The following KBTBD6 variants were observed in gnomAD, a reference collection of about 807,000 sequenced individuals.
KBTBD6 encodes kelch repeat and BTB domain containing 6.
KBTBD6 carries 6 observed loss-of-function variants against 34.4 expected under a neutral mutation model. The observed-to-expected ratio is 0.17, with a 90% confidence interval of 0.10 to 0.34. KBTBD6 has a LOEUF of 0.34. Ranked by LOEUF, KBTBD6 falls within the 10% of genes least tolerant of loss-of-function variation. KBTBD6 has a pLI of 1.00. For synonymous variants in KBTBD6, 288 were observed against 327.2 expected (o/e 0.88, Z 1.29); for missense variants, 557 against 856.0 (o/e 0.65, Z 4.36).
rs756046056 is a variant in KBTBD6, at chr13:41,131,317, C to A, written c.1195G>T (p.Ala399Ser). The A allele has an allele frequency of 1.2e-6, 2 of 1,614,170 alleles. No homozygotes were observed. Among genetic ancestry groups the A allele is most frequent in the East Asian group, 2.2e-5 (1 of 44,876 alleles). The change falls in exon 1 of 1, where the codon GCT becomes TCT. Residue 399 changes from alanine to serine, a missense_variant. Transcript: ENST00000379485. This position sits in a 1 kb window ranked among gnomAD's most constrained non-coding sequence, Gnocchi z 5.8. The part of the protein sequence containing the change: ...ISPDHDIYLA[A>S]QPRTDLWVYK... ...ACCCAGAGGTCTGTCCTGGGCTGAG[C>A]AGCTAGATAGATGTCATGGTCAGGA...
Position 41,131,750 on chromosome 13 carries a change from C to T in KBTBD6, c.762G>A (p.Arg254=), listed in dbSNP as rs201053800. The T allele has an allele frequency of 6.2e-7, 1 of 1,614,256 alleles. No individual in the cohort carries two copies. Among genetic ancestry groups the T allele is most frequent in the South Asian group, 1.1e-5 (1 of 91,092 alleles). The part of the protein sequence containing the change: ...VQWLEAAPKE[R]GPSAAEVFKC... ...TGAAGACTTCTGCAGCACTGGGACCCCGCTCTTTGGGAGCAGCCTCCAGCC... is the reference window on the plus strand; with the variant it reads ...TGAAGACTTCTGCAGCACTGGGACCTCGCTCTTTGGGAGCAGCCTCCAGCC... Residue 254 remains arginine (R), a synonymous_variant, in exon 1 of 1, where the codon CGG becomes CGA. Coordinates refer to ENST00000379485, the MANE Select transcript of KBTBD6 (RefSeq NM_152903.5). The surrounding 1 kb of genome is among the most constrained non-coding windows in gnomAD (Gnocchi z 5.8).
chr13:41,130,953 A>G lies in KBTBD6; in HGVS notation c.1559T>C (p.Val520Ala), dbSNP rs1482446809. Residue 520 changes from valine to alanine, a missense_variant, in exon 1 of 1, where the codon GTC (valine) becomes GCC (alanine). Physicochemically the swap from Val to Ala is moderately conservative, Grantham distance 64. Around this residue, in one of 4 missense-constraint regions of KBTBD6, gnomAD observed 309 missense variants for 504.5 expected, o/e 0.61. Coordinates refer to ENST00000379485, the MANE Select transcript of KBTBD6 (RefSeq NM_152903.5). This position sits in a 1 kb window ranked among gnomAD's most constrained non-coding sequence, Gnocchi z 4.8. ...LKRNDFQEAC[V>A]FNEEIYCICD... ...GATACAATAGATCTCCTCATTGAAG[A>G]CGCAGGCTTCCTGAAAGTCATTGCG... The G allele has an allele frequency of 1.2e-6, 2 of 1,614,124 alleles. No individual in the cohort carries two copies. Among genetic ancestry groups the G allele is most frequent in the Admixed American group, 1.7e-5 (1 of 60,020 alleles).
In KBTBD6 at chr13:41,128,996, T is replaced by G. The variant is rs1187959385; in HGVS notation, c.*1491A>C. 6.5e-6 allele frequency: 1 copy of G among 153,572 alleles called. No individual in the cohort carries two copies. The highest frequency in any genetic ancestry group is 2.4e-5 in the African/African-American group (1 of 41,494). 9.5% of individuals were successfully genotyped at this position (153,572 alleles called of 1,614,324 possible). A position where few individuals can be genotyped will look rare whatever the true frequency, so the allele number is the denominator to read the frequency against. Reference sequence around the variant, plus strand: ...TAATACAAAAATACCTTCAAGCTGATAATCAAGAACATTTAGTGACTTTAA... The same window carrying G: ...TAATACAAAAATACCTTCAAGCTGAGAATCAAGAACATTTAGTGACTTTAA... On this transcript the variant is annotated 3_prime_UTR_variant, in exon 1 of 1. Coordinates refer to ENST00000379485, the MANE Select transcript of KBTBD6 (RefSeq NM_152903.5).
rs1161111277 is a variant in KBTBD6, at chr13:41,131,930, G to C, written c.582C>G (p.Ser194=). The change falls in exon 1 of 1, where the codon TCC becomes TCG. Residue 194 remains serine (S), a synonymous_variant. Transcript: ENST00000379485. This position sits in a 1 kb window ranked among gnomAD's most constrained non-coding sequence, Gnocchi z 5.8. ...GHRKLRSQAQ[S]YIAQNFKQLS... Reference sequence around the variant, plus strand: ...GTTGCTTGAAGTTCTGAGCTATATAGGACTGGGCCTGGGATCGCAGCTTGC... The same window carrying C: ...GTTGCTTGAAGTTCTGAGCTATATACGACTGGGCCTGGGATCGCAGCTTGC... 1.2e-6 allele frequency: 2 copies of C among 1,614,142 alleles called. No homozygotes were observed. Among genetic ancestry groups the C allele is most frequent in the Non-Finnish European group, 1.7e-6 (2 of 1,180,062 alleles).
chr13:41,132,478 G>C lies in KBTBD6; in HGVS notation c.34C>G (p.Arg12Gly), dbSNP rs748358631. The C allele has an allele frequency of 6.2e-7, 1 of 1,614,204 alleles. No homozygotes were observed. The highest frequency in any genetic ancestry group is 8.5e-7 in the Non-Finnish European group (1 of 1,180,028). Residue 12 changes from arginine (R) to glycine (G), a missense_variant, in exon 1 of 1, where the codon CGC (arginine) becomes GGC (glycine). By Grantham distance (125) the Arg-to-Gly change is moderately radical (BLOSUM62 -2). Transcript: ENST00000379485. ...QSREDAPRSRRLASPRGGKRP... is the reference protein window; with the variant it reads ...QSREDAPRSRGLASPRGGKRP... Reference sequence around the variant, plus strand: ...TTCCCACCACGGGGACTGGCTAGGCGGCGAGAGCGCGGGGCGTCTTCCCGG... The same window carrying C: ...TTCCCACCACGGGGACTGGCTAGGCCGCGAGAGCGCGGGGCGTCTTCCCGG...
chr13:41,132,600 T>C lies in KBTBD6; in HGVS notation c.-89A>G, dbSNP rs533564601. The C allele has an allele frequency of 1.7e-5, 25 of 1,433,630 alleles. No individual in the cohort carries two copies. The East Asian group carries it at 3.0e-4, about 17-fold the overall frequency. 88.8% of individuals were successfully genotyped at this position (1,433,630 alleles called of 1,614,324 possible). ...CAACCTTCCCTCGCTGACGCTAAGA[T>C]AGCAGCGTCTCCGAAGAGACAGCAG... On this transcript the variant is annotated 5_prime_UTR_variant, in exon 1 of 1. Transcript: ENST00000379485.
rs759327265 is a variant in KBTBD6, at chr13:41,131,759, G to A, written c.753C>T (p.Pro251=). ...CTGCAGCACTGGGACCCCGCTCTTTGGGAGCAGCCTCCAGCCACTGCACTG... is the reference window on the plus strand; with the variant it reads ...CTGCAGCACTGGGACCCCGCTCTTTAGGAGCAGCCTCCAGCCACTGCACTG... ...HVAVQWLEAA[P]KERGPSAAEV... is the part of the protein sequence containing the mutation. The change falls in exon 1 of 1, where the codon CCC becomes CCT. Residue 251 remains proline, a synonymous_variant. Transcript: ENST00000379485. The surrounding 1 kb of genome is among the most constrained non-coding windows in gnomAD (Gnocchi z 5.8). The A allele has an allele frequency of 1.2e-6, 2 of 1,614,240 alleles. No individual in the cohort carries two copies. Among genetic ancestry groups the A allele is most frequent in the East Asian group, 2.2e-5 (1 of 44,888 alleles).
rs1280578080 is a variant in KBTBD6 at position 41,129,127 on chromosome 13, C to G, written c.*1360G>C. The G allele has an allele frequency of 6.6e-6, 1 of 152,602 alleles. No individual in the cohort carries two copies. 9.5% of individuals were successfully genotyped at this position (152,602 alleles called of 1,614,324 possible). A position where few individuals can be genotyped will look rare whatever the true frequency, so the allele number is the denominator to read the frequency against. ...GACTTTATAGTTAACACAATGACTA[C>G]TGATATCAACGAAATACTGTTTTTA... On this transcript the variant is annotated 3_prime_UTR_variant, in exon 1 of 1. Coordinates refer to ENST00000379485, the MANE Select transcript of KBTBD6 (RefSeq NM_152903.5).
At position 41,131,045 on chromosome 13, in the gene KBTBD6, G is replaced by C; in HGVS notation, c.1467C>G (p.Leu489=). The C allele has an allele frequency of 1.9e-6, 3 of 1,614,112 alleles. No individual in the cohort carries two copies. Among genetic ancestry groups the C allele is most frequent in the Non-Finnish European group, 8.5e-7 (1 of 1,180,006 alleles). ...CATAACAGAACATGCGCTTACTGTT[G>C]AGAGCATAGAGATAGTCTCGAATTA... ...LMVIRDYLYA[L]NSKRMFCYDP... is the part of the protein sequence containing the mutation. The change falls in exon 1 of 1, where the codon CTC becomes CTG. Residue 489 remains leucine (L), a synonymous_variant. Coordinates refer to ENST00000379485, the MANE Select transcript of KBTBD6 (RefSeq NM_152903.5). This position sits in a 1 kb window ranked among gnomAD's most constrained non-coding sequence, Gnocchi z 5.8.
Position 41,130,609 on chromosome 13 carries a change from C to T in KBTBD6, c.1903G>A (p.Glu635Lys), listed in dbSNP as rs1355740379. 2 of 1,613,984 alleles carry T rather than the reference C, an allele frequency of 1.2e-6. No individual in the cohort carries two copies. Among genetic ancestry groups the T allele is most frequent in the Non-Finnish European group, 1.7e-6 (2 of 1,179,878 alleles). ...PGQSFLTEEE[E>K]IPSESSTEWD... ...TCAGTGCTAGACTCACTTGGTATTT[C>T]TTCTTCTTCAGTGAGGAAACTCTGA... Residue 635 changes from glutamate to lysine, a missense_variant, in exon 1 of 1, where the codon GAA becomes AAA. This residue lies in a region of KBTBD6 where 309 missense variants were observed against 504.5 expected (regional missense o/e 0.61). Transcript: ENST00000379485. The surrounding 1 kb of genome is among the most constrained non-coding windows in gnomAD (Gnocchi z 4.8).
At position 41,131,272 on chromosome 13, in the gene KBTBD6, T is replaced by C; in HGVS notation, c.1240A>G (p.Ser414Gly). ...DLWVYKPAQN[S>G]WQQLADRLLC... ...AAGCGATCTGCAAGTTGCTGCCAACTATTCTGAGCTGGTTTATACACCCAG... is the reference window on the plus strand; with the variant it reads ...AAGCGATCTGCAAGTTGCTGCCAACCATTCTGAGCTGGTTTATACACCCAG... Residue 414 changes from serine to glycine, a missense_variant, in exon 1 of 1, where the codon AGT becomes GGT. Physicochemically the swap from Ser to Gly is moderately conservative, Grantham distance 56 (BLOSUM62 0). Coordinates refer to ENST00000379485, the MANE Select transcript of KBTBD6 (RefSeq NM_152903.5). The surrounding 1 kb of genome is among the most constrained non-coding windows in gnomAD (Gnocchi z 5.8). 5.6e-6 allele frequency: 9 copies of C among 1,614,138 alleles called. No homozygotes were observed. The highest frequency in any genetic ancestry group is 6.8e-6 in the Non-Finnish European group (8 of 1,180,020).
rs2030027870 is a variant in KBTBD6, at chr13:41,128,270, A to G, written c.*2217T>C. 3.2e-6 allele frequency: 1 copy of G among 310,962 alleles called. No individual in the cohort carries two copies. Among genetic ancestry groups the G allele is most frequent in the Non-Finnish European group, 5.9e-6 (1 of 169,728 alleles). The allele number at this position is 310,962 out of a possible 1,614,324, so 19.3% of individuals were successfully genotyped here. ...GAGGAATTAGCATGTTAATGAACAA[A>G]GATTAAGGAAGGTAATACTAACAGG... On this transcript the variant is annotated 3_prime_UTR_variant, in exon 1 of 1. Coordinates refer to ENST00000379485, the MANE Select transcript of KBTBD6 (RefSeq NM_152903.5).
chr13:41,128,549 A>G lies in KBTBD6; in HGVS notation c.*1938T>C. 1 of 397,572 alleles carries G rather than the reference A, an allele frequency of 2.5e-6. No individual in the cohort carries two copies. Among genetic ancestry groups the G allele is most frequent in the Non-Finnish European group, 4.4e-6 (1 of 225,336 alleles). The allele number at this position is 397,572 out of a possible 1,614,324, so 24.6% of individuals were successfully genotyped here. ...TCATAATAAAATAGCCATTTATATC[A>G]CTATTAGAGAAATATTTTAGAGAAA... On this transcript the variant is annotated 3_prime_UTR_variant, in exon 1 of 1. Coordinates refer to ENST00000379485, the MANE Select transcript of KBTBD6 (RefSeq NM_152903.5).
rs939537791 is a variant in KBTBD6 at position 41,127,636 on chromosome 13, T to A, written c.*2851A>T. The A allele has an allele frequency of 5.9e-5, 9 of 152,248 alleles. No homozygotes were observed. Among genetic ancestry groups the A allele is most frequent in the Non-Finnish European group, 1.3e-4 (9 of 68,036 alleles). 9.4% of individuals were successfully genotyped at this position (152,248 alleles called of 1,614,324 possible). On this transcript the variant is annotated 3_prime_UTR_variant, in exon 1 of 1. Coordinates refer to ENST00000379485, the MANE Select transcript of KBTBD6 (RefSeq NM_152903.5). ...CTTTTCTACAAAATAATGGTTAACA[T>A]CTATTCCTTAATTCACAGAAATATC... is the stretch of plus-strand genomic sequence containing the variant.
chr13:41,128,500 A>G lies in KBTBD6; in HGVS notation c.*1987T>C. The G allele has an allele frequency of 2.5e-6, 1 of 397,668 alleles. No homozygotes were observed. Among genetic ancestry groups the G allele is most frequent in the East Asian group, 3.6e-5 (1 of 28,014 alleles). 24.6% of individuals were successfully genotyped at this position (397,668 alleles called of 1,614,324 possible). On this transcript the variant is annotated 3_prime_UTR_variant, in exon 1 of 1. Coordinates refer to ENST00000379485, the MANE Select transcript of KBTBD6 (RefSeq NM_152903.5). ...ACAAAGACTGGAGCATGGTTTACAG[A>G]GAAATACAAAACACATACAAACATC...
At position 41,129,500 on chromosome 13, in the gene KBTBD6, T is replaced by G. The variant is rs767229471; in HGVS notation, c.*987A>C. 1.3e-5 allele frequency: 2 copies of G among 152,156 alleles called. No individual in the cohort carries two copies. Among genetic ancestry groups the G allele is most frequent in the African/African-American group, 2.4e-5 (1 of 41,440 alleles). 9.4% of individuals were successfully genotyped at this position (152,156 alleles called of 1,614,324 possible). ...AAATTGGTGACTTTGCAAATACACA[T>G]TCTAAATTCCAAAATTAAAACGAAA... On this transcript the variant is annotated 3_prime_UTR_variant, in exon 1 of 1. Coordinates refer to ENST00000379485, the MANE Select transcript of KBTBD6 (RefSeq NM_152903.5).
In KBTBD6 at chr13:41,127,640, T is replaced by C. The variant is rs2030015969; in HGVS notation, c.*2847A>G. On this transcript the variant is annotated 3_prime_UTR_variant, in exon 1 of 1. Coordinates refer to ENST00000379485, the MANE Select transcript of KBTBD6 (RefSeq NM_152903.5). ...TCTACAAAATAATGGTTAACATCTATTCCTTAATTCACAGAAATATCACAA... is the reference window on the plus strand; with the variant it reads ...TCTACAAAATAATGGTTAACATCTACTCCTTAATTCACAGAAATATCACAA... 4 of 152,258 alleles carry C rather than the reference T, an allele frequency of 2.6e-5. No homozygotes were observed. Among genetic ancestry groups the C allele is most frequent in the Admixed American group, 2.6e-4 (4 of 15,286 alleles). 9.4% of individuals were successfully genotyped at this position (152,258 alleles called of 1,614,324 possible).
In KBTBD6 at chr13:41,129,981, TAGAAGA is replaced by T. The variant is rs2138516309; in HGVS notation, c.*500_*505del. On this transcript the variant is annotated 3_prime_UTR_variant, in exon 1 of 1. Transcript: ENST00000379485. Reference sequence around the variant, plus strand: ...CGCCCAGCCTGCATTTTTTTCTTCATAGAAGAAAACAAAAGTAAAACTTCCCAAATT... The same window carrying T: ...CGCCCAGCCTGCATTTTTTTCTTCATAAACAAAAGTAAAACTTCCCAAATT... 1 of 152,732 alleles carries T rather than the reference TAGAAGA, an allele frequency of 6.5e-6. No homozygotes were observed. Among genetic ancestry groups the T allele is most frequent in the East Asian group, 1.9e-4 (1 of 5,196 alleles). The allele number at this position is 152,732 out of a possible 1,614,324, so 9.5% of individuals were successfully genotyped here.
chr13:41,132,796 C>A lies in KBTBD6; in HGVS notation c.-285G>T. The stretch of plus-strand genomic sequence containing the variant: ...GAAGCCGCTACTGCAGCGTGGGCGA[C>A]AATGCTAGGCGCCCAGGAGAACTAC... On this transcript the variant is annotated 5_prime_UTR_variant, in exon 1 of 1. Transcript: ENST00000379485. 2.2e-6 allele frequency: 1 copy of A among 459,088 alleles called. No homozygotes were observed. 28.4% of individuals were successfully genotyped at this position (459,088 alleles called of 1,614,324 possible).
Sources: allele counts gnomAD v4.1 joint callset, GRCh38; gene constraint gnomAD v4.1.1; regional missense constraint gnomAD v4.1.1; non-coding constraint Gnocchi (gnomAD v3.1); transcripts MANE v1.5; gene names NCBI Gene and HGNC (gene_info 2026-07-23, HGNC 2026-07-21).